The following ADGRL3 variants were observed in gnomAD, a reference collection of about 807,000 sequenced individuals.
ADGRL3 encodes the protein calcium-independent alpha-latrotoxin receptor 3.
In ADGRL3, 62 loss-of-function variants were observed where a neutral mutation model predicts 153.5. The observed-to-expected ratio is 0.40, with a 90% CI of 0.33 to 0.50. The LOEUF (loss-of-function observed/expected upper bound fraction) is 0.50. ADGRL3 is among the 20% of genes least tolerant of loss of function. The probability of loss-of-function intolerance (pLI) is 0.47; values close to 1 mark genes in which losing one functional copy is unlikely to be tolerated. For missense variants in ADGRL3, 1,641 were observed against 1,859.4 expected (o/e 0.88, Z 2.16); for synonymous variants, 710 against 672.5 (o/e 1.06, Z -0.86).
At position 61,892,740 on chromosome 4, in the gene ADGRL3, G is replaced by A. The variant is rs1322451595; in HGVS notation, c.1565G>A (p.Ser522Asn). ...LRTTTLSPGR[S>N]TTPSVSGRRN... Reference sequence around the variant, plus strand: ...ACCACAACTTTGAGCCCAGGAAGGAGTACCACCCCGTCAGTGTCAGGAAGA... The same window carrying A: ...ACCACAACTTTGAGCCCAGGAAGGAATACCACCCCGTCAGTGTCAGGAAGA... The change falls in exon 10 of 27, where the codon AGT becomes AAT. Residue 522 changes from serine to asparagine, a missense_variant. By Grantham distance (46) the Ser-to-Asn change is conservative (BLOSUM62 1). Transcript: ENST00000683033. 3 of 1,613,886 alleles carry A rather than the reference G, an allele frequency of 1.9e-6. No homozygotes were observed. The highest frequency in any genetic ancestry group is 3.3e-5 in the Admixed American group (2 of 60,012).
At chr4:61,672,916 T>C (rs1018846889) in intron 5 of ADGRL3, among the ~76,000 whole-genome samples, 1 of 151,956 alleles carries the variant, frequency 6.6e-6, no homozygotes, top group African/African-American at 2.4e-5. Flanking sequence ...AAGATAAATA[T>C]AATTGGCCTA....
At chr4:61,991,915 ATATATT>A (rs2099105131) in intron 19 of ADGRL3, among the ~76,000 whole-genome samples, 1 of 148,068 alleles carries the variant, frequency 6.8e-6, no homozygotes, top group Non-Finnish European at 1.5e-5. Context: ...TTATATATAA[ATATATT>A]TATAATATTA....
chr4:61,399,784 T>A (rs753221252), intron 2 of ADGRL3, among the ~76,000 whole-genome samples: 22 of 151,744 alleles, frequency 1.4e-4, no homozygotes, highest in Admixed American at 1.1e-3. Flanking sequence ...CCTCTTGCTC[T>A]ATAAACTTAA....
chr4:61,292,044 A>G (rs1300134195), intron 1 of ADGRL3, among the ~76,000 whole-genome samples: 1 of 151,560 alleles, frequency 6.6e-6, no homozygotes, highest in Non-Finnish European at 1.5e-5. Context: ...TCCACATATT[A>G]TGGGAGAACA....
intron 1 of ADGRL3, among the ~76,000 whole-genome samples, chr4:61,207,944 A>G (rs1276025565): frequency 1.3e-5 from 2 of 152,218 alleles, no homozygotes; most frequent in Non-Finnish European, 2.9e-5. Flanking sequence ...GAAAATGATT[A>G]GATGTCCAAC....
At chr4:61,568,458 G>T (rs937277971) in intron 4 of ADGRL3, among the ~76,000 whole-genome samples, 1 of 151,870 alleles carries the variant, frequency 6.6e-6, no homozygotes, top group African/African-American at 2.4e-5. Context: ...CCCCACTATG[G>T]TACAGAAACT....
rs577649256 is a variant in ADGRL3 at position 61,225,740 on chromosome 4, G to A, written c.-240+23975G>A. Reference sequence around the variant, plus strand: ...ATATCCAGTTTCATTCCTGAGCTAAGCTTGCTTCATTCTTAAGGAGCCCAA... The same window carrying A: ...ATATCCAGTTTCATTCCTGAGCTAAACTTGCTTCATTCTTAAGGAGCCCAA... On this transcript the variant is annotated intron_variant, in intron 1 of 26. Coordinates refer to ENST00000683033, the MANE Select transcript of ADGRL3 (RefSeq NM_001387552.1). 3.3e-5 allele frequency among the ~76,000 whole-genome samples: 5 copies of A among 152,210 alleles called. No individual in the cohort carries two copies. In the South Asian group the frequency reaches 1.0e-3, roughly 32 times the overall value.
chr4:61,512,231 C>A (rs1228646442), intron 3 of ADGRL3, among the ~76,000 whole-genome samples: 1 of 152,138 alleles, frequency 6.6e-6, no homozygotes, highest in Non-Finnish European at 1.5e-5. Flanking sequence ...ACAATACTTT[C>A]CTGTTAGCTA....
At chr4:61,564,389 C>T (rs932867534) in intron 4 of ADGRL3, among the ~76,000 whole-genome samples, 1 of 152,096 alleles carries the variant, frequency 6.6e-6, no homozygotes. Context: ...ATCCTCCCAC[C>T]TCAGCCTCCT....
intron 4 of ADGRL3, among the ~76,000 whole-genome samples, chr4:61,539,052 C>A (rs1299879086): frequency 6.6e-6 from 1 of 152,164 alleles, no homozygotes; most frequent in Non-Finnish European, 1.5e-5. Context: ...TGGTGGCTAC[C>A]ACCAAAATGG....
chr4:61,552,874 C>T (rs1293060539), intron 4 of ADGRL3, among the ~76,000 whole-genome samples: 1 of 152,112 alleles, frequency 6.6e-6, no homozygotes, highest in Non-Finnish European at 1.5e-5. Flanking sequence ...CTTGTGTCTT[C>T]TTCATATAGT....
chr4:61,478,261 C>T (rs910563511), intron 2 of ADGRL3, among the ~76,000 whole-genome samples: 2 of 151,964 alleles, frequency 1.3e-5, no homozygotes, highest in South Asian at 2.1e-4. Context: ...TTAAGATATA[C>T]AAGCTCACAT....
rs553327961 is a variant in ADGRL3, at chr4:61,552,979, G to T, written c.260-34248G>T. On this transcript the variant is annotated intron_variant, in intron 4 of 26. Transcript: ENST00000683033. The stretch of plus-strand genomic sequence containing the variant: ...ACCATGGTGAGTTCCGGGAAACAAA[G>T]ATATATACTATCAATCTCCACCTAG... 9.9e-5 allele frequency among the ~76,000 whole-genome samples: 15 copies of T among 152,240 alleles called. No individual in the cohort carries two copies. In the South Asian group the frequency reaches 2.9e-3, roughly 29 times the overall value.
intron 9 of ADGRL3, among the ~76,000 whole-genome samples, chr4:61,860,259 A>G (rs2098326841): frequency 1.3e-5 from 2 of 152,070 alleles, no homozygotes; most frequent in Non-Finnish European, 2.9e-5. Context: ...TTTCTCTGCA[A>G]CCAACTTAGG....
At chr4:61,748,384 A>C (rs1344445590) in intron 8 of ADGRL3, among the ~76,000 whole-genome samples, 1 of 151,686 alleles carries the variant, frequency 6.6e-6, no homozygotes, top group Non-Finnish European at 1.5e-5. Flanking sequence ...GGAACCAAAA[A>C]AGAGCCTGCA....
At chr4:61,827,767 G>T (rs1360511684) in intron 9 of ADGRL3, among the ~76,000 whole-genome samples, 1 of 152,158 alleles carries the variant, frequency 6.6e-6, no homozygotes, top group Admixed American at 6.5e-5. Context: ...TAGATAATTT[G>T]GGTGGATTTT....
At chr4:61,887,360 A>G (rs2098545277) in intron 9 of ADGRL3, among the ~76,000 whole-genome samples, 1 of 152,176 alleles carries the variant, frequency 6.6e-6, no homozygotes, top group South Asian at 2.1e-4. Context: ...TGAGAATGAC[A>G]TTTTTAATAG....
chr4:61,863,297 G>A (rs1450176147), intron 9 of ADGRL3, among the ~76,000 whole-genome samples: 1 of 140,828 alleles, frequency 7.1e-6, no homozygotes, highest in Non-Finnish European at 1.5e-5. Flanking sequence ...GAGTGCAGTG[G>A]CGGGATCTCG....
In ADGRL3 at chr4:61,934,140, G is replaced by A. The variant is rs1014982680; in HGVS notation, c.2113-700G>A. On this transcript the variant is annotated intron_variant, in intron 13 of 26. Coordinates refer to ENST00000683033, the MANE Select transcript of ADGRL3 (RefSeq NM_001387552.1). Reference sequence around the variant, plus strand: ...GAATTGTAGTGCTTTGTATCTATGTGTGGGTGTACCTACTGCTGATTTTTT... The same window carrying A: ...GAATTGTAGTGCTTTGTATCTATGTATGGGTGTACCTACTGCTGATTTTTT... Among the ~76,000 whole-genome samples, 8 of 152,270 alleles carry A rather than the reference G, an allele frequency of 5.3e-5. No individual in the cohort carries two copies. In the East Asian group the frequency reaches 1.5e-3, roughly 29 times the overall value.
Sources: gnomAD v4.1 joint callset for allele counts (sites outside exome capture counted in the v4.1 genomes callset) on GRCh38, gnomAD v4.1.1 for gene constraint, MANE v1.5 for transcripts, NCBI Gene and HGNC (gene_info 2026-07-23, HGNC 2026-07-21) for gene names.